MGST1: variants seen among roughly 807,000 people sequenced by gnomAD.
MGST1 encodes glutathione S-transferase 12.
Under a neutral mutation model 8.9 loss-of-function variants are expected in MGST1, and 5 were observed. That is an observed-to-expected ratio of 0.56 (90% CI 0.29 to 1.19). The LOEUF (loss-of-function observed/expected upper bound fraction) is 1.19, where lower values mean the gene tolerates loss of function less well. Among genes scored for constraint, MGST1 ranks in the 50% most tolerant of loss-of-function variants. MGST1 has a pLI of 0.08. For missense variants in MGST1, 182 were observed against 187.4 expected (o/e 0.97, Z 0.17); for synonymous variants, 54 against 67.8 (o/e 0.80, Z 1.00).
At chr12:16,466,570 G>C (rs1325894610) in intron 4 of MGST1, among the ~76,000 whole-genome samples, 1 of 152,124 alleles carries the variant, frequency 6.6e-6, no homozygotes, top group Non-Finnish European at 1.5e-5. Flanking sequence ...ATTTTTTGGG[G>C]TCATTAAATA....
At chr12:16,561,582 T>C (rs1430934179) in intron 4 of MGST1, among the ~76,000 whole-genome samples, 1 of 152,212 alleles carries the variant, frequency 6.6e-6, no homozygotes, top group African/African-American at 2.4e-5. Flanking sequence ...AAATGTACTT[T>C]TAAAAACCTT....
At chr12:16,396,614 A>G (rs967935005) in intron 1 of MGST1, among the ~76,000 whole-genome samples, 1 of 152,144 alleles carries the variant, frequency 6.6e-6, no homozygotes, top group African/African-American at 2.4e-5. Context: ...TAATATACAT[A>G]AATCAGTAAC....
chr12:16,510,092 T>G (rs1199921636), intron 4 of MGST1, among the ~76,000 whole-genome samples: 1 of 152,324 alleles, frequency 6.6e-6, no homozygotes, highest in Non-Finnish European at 1.5e-5. Flanking sequence ...CACACAAACC[T>G]TAAAAGGAAG....
intron 1 of MGST1, among the ~76,000 whole-genome samples, chr12:16,394,302 C>A (rs1180665445): frequency 1.3e-5 from 2 of 148,608 alleles, no homozygotes; most frequent in Non-Finnish European, 3.0e-5. Context: ...TGGAGTTTTG[C>A]CTTTTGGAAA....
intron 4 of MGST1, among the ~76,000 whole-genome samples, chr12:16,521,959 A>C (rs1702658155): frequency 6.6e-6 from 1 of 152,136 alleles, no homozygotes; most frequent in Admixed American, 6.6e-5. Flanking sequence ...TAGAAAAAAA[A>C]AATAACTTTC....
chr12:16,556,749 C>T (rs1289157082), intron 4 of MGST1, among the ~76,000 whole-genome samples: 1 of 152,158 alleles, frequency 6.6e-6, no homozygotes, highest in East Asian at 1.9e-4. Flanking sequence ...TGAAAACCTT[C>T]TGTATCCTGG....
At chr12:16,399,609 G>A (rs1338442477) in intron 1 of MGST1, 1 of 1,607,832 alleles carries the variant, frequency 6.2e-7, no homozygotes, top group African/African-American at 1.3e-5. Flanking sequence ...TTCAATTTCA[G>A]ACTCTGAATC....
At position 16,399,295 on chromosome 12, in the gene MGST1, G is replaced by A. The variant is rs1029572580; in HGVS notation, n.778+15691G>A. ...AGAAGTTACTTCCTCTTTTTCTTGGGGGGTGCAGAGCTGTGTGTGGAACCA... is the reference window on the plus strand; with the variant it reads ...AGAAGTTACTTCCTCTTTTTCTTGGAGGGTGCAGAGCTGTGTGTGGAACCA... On this transcript the variant is annotated intron_variant and non_coding_transcript_variant, in intron 1 of 1. Transcript: ENST00000359720. 5.6e-6 allele frequency: 9 copies of A among 1,604,924 alleles called. No homozygotes were observed. In the Admixed American group the frequency reaches 6.7e-5, roughly 12 times the overall value.
intron 4 of MGST1, among the ~76,000 whole-genome samples, chr12:16,473,470 A>G (rs748215475): frequency 6.6e-6 from 1 of 152,238 alleles, no homozygotes; most frequent in East Asian, 1.9e-4. Flanking sequence ...ATGGTTTACT[A>G]TGAATTAAAT....
intron 4 of MGST1, among the ~76,000 whole-genome samples, chr12:16,483,344 A>T (rs1296359757): frequency 6.6e-6 from 1 of 151,954 alleles, no homozygotes; most frequent in Non-Finnish European, 1.5e-5. Context: ...TTAAATATGT[A>T]TGATAAAATC....
intron 1 of MGST1, among the ~76,000 whole-genome samples, chr12:16,416,078 A>G (rs1388848039): frequency 2.0e-5 from 3 of 152,182 alleles, no homozygotes; most frequent in African/African-American, 7.2e-5. Flanking sequence ...ACATAGGGTC[A>G]CCTGGGCCTA....
chr12:16,513,284 T>G lies in MGST1; in HGVS notation n.483-76244T>G, dbSNP rs1054668812. On this transcript the variant is annotated intron_variant and non_coding_transcript_variant, in intron 4 of 4. Coordinates refer to the MGST1 transcript ENST00000538857. This position sits in a 1 kb window ranked among gnomAD's most constrained non-coding sequence, Gnocchi z 4.2. ...ATTTCCTGTTTTAGCTCTCCCTGCT[T>G]ACTCTGATTCTCTCCACATTTCCCA... Among the ~76,000 whole-genome samples the G allele has an allele frequency of 2.0e-5, 3 of 152,206 alleles. No homozygotes were observed. Among genetic ancestry groups the G allele is most frequent in the Non-Finnish European group, 4.4e-5 (3 of 68,030 alleles).
chr12:16,501,041 G>A (rs1285489484), intron 4 of MGST1, among the ~76,000 whole-genome samples: 2 of 150,138 alleles, frequency 1.3e-5, no homozygotes, highest in Non-Finnish European at 3.0e-5. Context: ...GGGAGGCAGA[G>A]GTTGCAGTGA....
intron 4 of MGST1, among the ~76,000 whole-genome samples, chr12:16,445,770 C>A (rs140731478): frequency 1.3e-5 from 2 of 151,952 alleles, no homozygotes; most frequent in African/African-American, 4.8e-5. Flanking sequence ...TGAAGTTATT[C>A]CTCCAGAATC....
At chr12:16,475,732 G>C (rs963218780) in intron 4 of MGST1, among the ~76,000 whole-genome samples, 2 of 152,136 alleles carry the variant, frequency 1.3e-5, no homozygotes, top group Non-Finnish European at 1.5e-5. Flanking sequence ...AGTGACATCA[G>C]TCACCTTGGC....
chr12:16,386,275 C>G (rs112209801), intron 1 of MGST1, among the ~76,000 whole-genome samples: 2 of 152,172 alleles, frequency 1.3e-5, no homozygotes, highest in African/African-American at 4.8e-5. Context: ...GTGCTGTACA[C>G]GCGGCAAGTT....
chr12:16,535,544 T>C (rs117661427), intron 4 of MGST1, among the ~76,000 whole-genome samples: 1 of 152,192 alleles, frequency 6.6e-6, no homozygotes, highest in Non-Finnish European at 1.5e-5. Context: ...ACAAACACCA[T>C]GGGGATTCCC....
At chr12:16,457,424 T>G (rs1194706941) in intron 4 of MGST1, among the ~76,000 whole-genome samples, 1 of 151,974 alleles carries the variant, frequency 6.6e-6, no homozygotes, top group Non-Finnish European at 1.5e-5. Flanking sequence ...TTCAGCAAAG[T>G]GCTTGGAAGA....
intron 1 of MGST1, among the ~76,000 whole-genome samples, chr12:16,412,550 A>T (rs2137075489): frequency 6.6e-6 from 1 of 152,274 alleles, no homozygotes; most frequent in South Asian, 2.1e-4. Flanking sequence ...TTACTCCCAA[A>T]TCTCACCTTG....
Sources: gnomAD v4.1 joint callset for allele counts (sites outside exome capture counted in the v4.1 genomes callset) on GRCh38, gnomAD v4.1.1 for gene constraint, Gnocchi (gnomAD v3.1) non-coding constraint, MANE v1.5 for transcripts, NCBI Gene and HGNC (gene_info 2026-07-23, HGNC 2026-07-21) for gene names.